The following MAPK10 variants were observed in gnomAD, a reference collection of about 807,000 sequenced individuals.
The protein encoded by MAPK10 is JNK3 alpha protein kinase.
In MAPK10, 25 loss-of-function variants were observed where a neutral mutation model predicts 59.3. The observed-to-expected ratio is 0.42, with a 90% CI of 0.31 to 0.59. The LOEUF (loss-of-function observed/expected upper bound fraction) is 0.59. Ranked by LOEUF, MAPK10 falls within the 20% of genes least tolerant of loss-of-function variation. The probability of loss-of-function intolerance (pLI) is 0.15; values close to 1 mark genes in which losing one functional copy is unlikely to be tolerated. For synonymous variants in MAPK10, 190 were observed against 200.5 expected (o/e 0.95, Z 0.44); for missense variants, 351 against 568.9 (o/e 0.62, Z 3.90).
At chr4:86,410,051 CTCTTATTATTT>C (rs1416869143) in intron 1 of MAPK10, among the ~76,000 whole-genome samples, 1 of 152,074 alleles carries the variant, frequency 6.6e-6, no homozygotes, top group African/African-American at 2.4e-5. Flanking sequence ...TCATAAATAG[CTCTTATTATTT>C]TGAGATAATT....
chr4:86,056,254 T>C (rs2044528587), intron 11 of MAPK10, among the ~76,000 whole-genome samples: 1 of 150,240 alleles, frequency 6.7e-6, no homozygotes, highest in Admixed American at 6.6e-5. Context: ...TATAAAATAT[T>C]TGAAGCAAAC....
chr4:86,023,463 G>A (rs1748431372), intron 13 of MAPK10, among the ~76,000 whole-genome samples: 1 of 151,892 alleles, frequency 6.6e-6, no homozygotes, highest in African/African-American at 2.4e-5. Flanking sequence ...GTCAATTTCT[G>A]CAAAAAAGAC....
chr4:86,324,373 T>G (rs1304820153), intron 2 of MAPK10, among the ~76,000 whole-genome samples: 1 of 151,868 alleles, frequency 6.6e-6, no homozygotes, highest in African/African-American at 2.4e-5. Context: ...ATCGTGCCAT[T>G]GCACTCCAAC....
chr4:86,506,803 G>C (rs1398521679), intron 1 of MAPK10, among the ~76,000 whole-genome samples: 1 of 152,122 alleles, frequency 6.6e-6, no homozygotes, highest in African/African-American at 2.4e-5. Context: ...ACTGCTCCCA[G>C]ACTGAGGAGC....
chr4:86,115,342 C>G (rs1008904179), intron 4 of MAPK10, among the ~76,000 whole-genome samples: 12 of 152,174 alleles, frequency 7.9e-5, no homozygotes, highest in African/African-American at 2.7e-4. Context: ...CCTGCTTTTC[C>G]TCACTCTGCA....
chr4:86,463,463 A>G (rs1016644848), intron 1 of MAPK10, among the ~76,000 whole-genome samples: 1 of 152,222 alleles, frequency 6.6e-6, no homozygotes, highest in Non-Finnish European at 1.5e-5. Context: ...TACATTATTC[A>G]TTATATGGAT....
intron 2 of MAPK10, among the ~76,000 whole-genome samples, chr4:86,235,971 G>T (rs574439113): frequency 6.6e-6 from 1 of 152,288 alleles, no homozygotes; most frequent in South Asian, 2.1e-4. Flanking sequence ...GGTTGGCAGG[G>T]ATAGTTCCTC....
In MAPK10 at chr4:86,017,049, A is replaced by G. The variant is rs1578551829; in HGVS notation, c.*179T>C. ...ATATACATTTGAGCTTAGCTGCAAT[A>G]CAGAACCCTGGGGAAGAAGCAGGCT... On this transcript the variant is annotated 3_prime_UTR_variant, in exon 14 of 14. Transcript: ENST00000641462. This position sits in a 1 kb window ranked among gnomAD's most constrained non-coding sequence, Gnocchi z 4.4. 7 of 657,828 alleles carry G rather than the reference A, an allele frequency of 1.1e-5. No homozygotes were observed. In the East Asian group the frequency reaches 2.0e-4, roughly 19 times the overall value. The allele number at this position is 657,828 out of a possible 1,614,324, so 40.7% of individuals were successfully genotyped here.
intron 2 of MAPK10, chr4:86,352,267 T>C (rs922545349): frequency 7.1e-6 from 1 of 140,490 alleles, no homozygotes; most frequent in Non-Finnish European, 1.6e-5. Flanking sequence ...GATATTATAT[T>C]TATATTTATA....
intron 13 of MAPK10, among the ~76,000 whole-genome samples, chr4:86,018,825 G>A (rs935099211): frequency 6.6e-6 from 1 of 152,150 alleles, no homozygotes; most frequent in African/African-American, 2.4e-5. Context: ...TAGTGTGCAA[G>A]ATCTATTTGG....
chr4:86,583,487 A>C (rs1446883325), intron 1 of MAPK10, among the ~76,000 whole-genome samples: 5 of 152,092 alleles, frequency 3.3e-5, no homozygotes, highest in African/African-American at 1.2e-4. Context: ...TTTTGGGGGA[A>C]AGTCAGTTTT....
chr4:86,234,801 CTT>C (rs2092031293), intron 2 of MAPK10, among the ~76,000 whole-genome samples: 3 of 152,188 alleles, frequency 2.0e-5, no homozygotes, highest in Middle Eastern at 6.8e-3. Context: ...TCAGGGGAAA[CTT>C]ATAATATTAG....
At chr4:86,071,023 T>C (rs1321904676) in intron 9 of MAPK10, among the ~76,000 whole-genome samples, 2 of 151,968 alleles carry the variant, frequency 1.3e-5, no homozygotes. Context: ...GTAAAAGTGT[T>C]GCTATTTCTC....
At chr4:86,222,022 C>T (rs1437562471) in intron 2 of MAPK10, among the ~76,000 whole-genome samples, 1 of 152,132 alleles carries the variant, frequency 6.6e-6, no homozygotes. Flanking sequence ...TGTGTAGCAT[C>T]TGCCCCTCAC....
At chr4:86,544,544 G>C (rs1565014895) in intron 1 of MAPK10, among the ~76,000 whole-genome samples, 2 of 152,254 alleles carry the variant, frequency 1.3e-5, no homozygotes, top group East Asian at 3.9e-4. Flanking sequence ...AAATCAAAGT[G>C]TCACCTGTTT....
intron 2 of MAPK10, among the ~76,000 whole-genome samples, chr4:86,237,491 A>G (rs1243174168): frequency 6.6e-6 from 1 of 152,106 alleles, no homozygotes; most frequent in Non-Finnish European, 1.5e-5. Context: ...AAGCGTTGCT[A>G]TTTCTCCACA....
intron 2 of MAPK10, among the ~76,000 whole-genome samples, chr4:86,213,471 T>C (rs2086449504): frequency 1.3e-5 from 2 of 152,016 alleles, no homozygotes; most frequent in Admixed American, 1.3e-4. Context: ...TTTAGTAAGA[T>C]AAAGAAGAAG....
intron 4 of MAPK10, among the ~76,000 whole-genome samples, chr4:86,151,532 G>A (rs556059295): frequency 2.6e-5 from 4 of 152,240 alleles, no homozygotes; most frequent in East Asian, 1.9e-4. Flanking sequence ...GGGCTGATCC[G>A]GATGAGAGTT....
At chr4:86,413,397 T>G (rs1052578375) in intron 1 of MAPK10, among the ~76,000 whole-genome samples, 2 of 152,198 alleles carry the variant, frequency 1.3e-5, no homozygotes, top group African/African-American at 4.8e-5. Context: ...CTGTCCAATC[T>G]TGGTGCTTGA....
Sources: allele counts gnomAD v4.1 joint callset (sites outside exome capture counted in the v4.1 genomes callset), GRCh38; gene constraint gnomAD v4.1.1; non-coding constraint Gnocchi (gnomAD v3.1); transcripts MANE v1.5; gene names NCBI Gene and HGNC (gene_info 2026-07-23, HGNC 2026-07-21).